DLG2: variants seen among roughly 807,000 people sequenced by gnomAD.
The protein encoded by DLG2 is disks large homolog 2.
In DLG2, 45 loss-of-function variants were observed where a neutral mutation model predicts 132.5. The observed-to-expected ratio is 0.34, with a 90% CI of 0.27 to 0.44. The LOEUF (loss-of-function observed/expected upper bound fraction) is 0.44. Among genes scored for constraint, DLG2 ranks in the 20% least tolerant of loss-of-function variants. The pLI, the probability that DLG2 is intolerant of heterozygous loss-of-function variation, is 1.00. For missense variants in DLG2, 1,045 were observed against 1,196.9 expected, an observed-to-expected ratio of 0.87 and a Z score of 1.87; for synonymous variants, 424 against 419.6, an observed-to-expected ratio of 1.01 and a Z score of -0.13.
chr11:85,170,211 C>T (rs997152054), intron 4 of DLG2, among the ~76,000 whole-genome samples: 2 of 152,166 alleles, frequency 1.3e-5, no homozygotes, highest in African/African-American at 2.4e-5. Context: ...GGGGTATGAT[C>T]TAATGGTAAT....
intron 15 of DLG2, among the ~76,000 whole-genome samples, chr11:83,929,737 A>G (rs2079787814): frequency 2.6e-5 from 4 of 152,180 alleles, no homozygotes; most frequent in Admixed American, 2.0e-4. Context: ...GAATATATAT[A>G]TATGTACATA....
intron 9 of DLG2, among the ~76,000 whole-genome samples, chr11:84,121,764 T>C (rs1358912756): frequency 6.6e-6 from 1 of 151,532 alleles, no homozygotes; most frequent in East Asian, 2.0e-4. Flanking sequence ...GGTTTCACCG[T>C]ATTAGCCAGG....
chr11:83,943,100 T>C (rs2083039893), intron 14 of DLG2, among the ~76,000 whole-genome samples: 1 of 152,212 alleles, frequency 6.6e-6, no homozygotes, highest in African/African-American at 2.4e-5. Context: ...TTGTGAGGCT[T>C]CCTCAGCCAC....
At chr11:84,853,879 C>A (rs76549859) in intron 6 of DLG2, among the ~76,000 whole-genome samples, 1 of 151,908 alleles carries the variant, frequency 6.6e-6, no homozygotes, top group Non-Finnish European at 1.5e-5. Flanking sequence ...TGACTGAATA[C>A]CAATAAAGAA....
At chr11:83,826,109 C>G (rs1307613503) in intron 17 of DLG2, among the ~76,000 whole-genome samples, 1 of 152,118 alleles carries the variant, frequency 6.6e-6, no homozygotes, top group Non-Finnish European at 1.5e-5. Context: ...TTAAAGAGAG[C>G]AGGAAAAGGA....
At chr11:83,654,826 A>C (rs1278375138) in intron 18 of DLG2, among the ~76,000 whole-genome samples, 1 of 152,252 alleles carries the variant, frequency 6.6e-6, no homozygotes. Context: ...TAACATATTC[A>C]TTAGAAGATA....
At chr11:85,410,292 GATAA>G (rs2089196140) in intron 3 of DLG2, among the ~76,000 whole-genome samples, 1 of 151,532 alleles carries the variant, frequency 6.6e-6, no homozygotes, top group African/African-American at 2.4e-5. Context: ...TCTTGAGCAA[GATAA>G]ATAAAATGTA....
intron 9 of DLG2, among the ~76,000 whole-genome samples, chr11:84,132,702 T>C (rs2154219328): frequency 6.6e-6 from 1 of 151,992 alleles, no homozygotes; most frequent in East Asian, 1.9e-4. Flanking sequence ...AAACAAGAAA[T>C]AAGCAAATAG....
At chr11:83,577,586 A>ATATATATATC (rs1315103866) in intron 19 of DLG2, among the ~76,000 whole-genome samples, 24 of 118,874 alleles carry the variant, frequency 2.0e-4, no homozygotes, top group Non-Finnish European at 3.1e-4. Flanking sequence ...ATATATATAT[A>ATATATATATC]TCCTATTTAT....
intron 6 of DLG2, among the ~76,000 whole-genome samples, chr11:84,910,504 C>A (rs1361871346): frequency 6.6e-6 from 1 of 152,094 alleles, no homozygotes; most frequent in East Asian, 1.9e-4. Flanking sequence ...TTACCCATTA[C>A]AGACAGACAC....
intron 6 of DLG2, among the ~76,000 whole-genome samples, chr11:85,096,270 G>A (rs995887550): frequency 2.6e-5 from 4 of 152,054 alleles, no homozygotes; most frequent in Admixed American, 6.5e-5. Flanking sequence ...TTGTTCTTTC[G>A]CTCTTCACAA....
intron 6 of DLG2, among the ~76,000 whole-genome samples, chr11:84,909,755 T>C (rs1304594847): frequency 6.6e-6 from 1 of 152,176 alleles, no homozygotes; most frequent in Non-Finnish European, 1.5e-5. Context: ...GTGAACAAGA[T>C]AGACATTTTA....
At chr11:83,554,127 T>A (rs1223028430) in intron 19 of DLG2, among the ~76,000 whole-genome samples, 4 of 152,044 alleles carry the variant, frequency 2.6e-5, no homozygotes, top group Non-Finnish European at 4.4e-5. Context: ...CAAGCAATCC[T>A]CCTGCCTTGG....
At chr11:84,726,831 G>C (rs190110041) in intron 6 of DLG2, among the ~76,000 whole-genome samples, 369 of 151,914 alleles carry the variant, frequency 2.4e-3, no homozygotes, top group African/African-American at 8.3e-3. Context: ...TGGTGGTTTT[G>C]ATTTGCATTT....
At chr11:84,382,544 T>C (rs577872093) in intron 7 of DLG2, among the ~76,000 whole-genome samples, 1 of 152,276 alleles carries the variant, frequency 6.6e-6, no homozygotes, top group South Asian at 2.1e-4. Flanking sequence ...TGTCTACTCA[T>C]TCAAGGTAGT....
chr11:85,442,942 AG>A (rs1240174236), intron 3 of DLG2, among the ~76,000 whole-genome samples: 6 of 152,128 alleles, frequency 3.9e-5, no homozygotes, highest in African/African-American at 1.4e-4. Flanking sequence ...AGGAAGAAGG[AG>A]GGAAGATAAA....
chr11:84,359,751 A>G (rs925013745), intron 7 of DLG2, among the ~76,000 whole-genome samples: 2 of 151,838 alleles, frequency 1.3e-5, no homozygotes, highest in East Asian at 3.9e-4. Context: ...CTTCTTAAGC[A>G]TATTAGAGCT....
At chr11:84,958,053 T>C (rs1167300266) in intron 6 of DLG2, among the ~76,000 whole-genome samples, 1 of 152,116 alleles carries the variant, frequency 6.6e-6, no homozygotes, top group Non-Finnish European at 1.5e-5. Context: ...ATTTCTGGGG[T>C]GTTATAAAAA....
intron 6 of DLG2, among the ~76,000 whole-genome samples, chr11:84,857,306 C>T (rs2082927590): frequency 6.6e-6 from 1 of 151,762 alleles, no homozygotes; most frequent in Non-Finnish European, 1.5e-5. Flanking sequence ...AAGGAGTTAA[C>T]TGATTAAACA....
Sources: allele counts gnomAD v4.1 joint callset (sites outside exome capture counted in the v4.1 genomes callset), GRCh38; gene constraint gnomAD v4.1.1; transcripts MANE v1.5; gene names NCBI Gene and HGNC (gene_info 2026-07-23, HGNC 2026-07-21).